Variants in CDC5L observed in about 807,000 individuals in gnomAD.
CDC5L encodes the protein cell division cycle 5 like, also known as cell division cycle 5-like protein.
A neutral mutation model predicts 104.1 loss-of-function variants in CDC5L; 18 were observed. The ratio of observed to expected loss-of-function variants is 0.17; its 90% CI spans 0.12 to 0.26. The LOEUF (loss-of-function observed/expected upper bound fraction) is 0.26, where lower values mean the gene tolerates loss of function less well. CDC5L is among the 10% of genes least tolerant of loss of function. CDC5L has a pLI of 1.00. For missense variants in CDC5L, 673 were observed against 956.9 expected (o/e 0.70, Z 3.91); for synonymous variants, 331 against 322.7 (o/e 1.03, Z -0.28).
chr6:44,387,941 G>GGC (rs1554157180), intron 1 of CDC5L, 73 bp downstream of exon 1: 21 of 1,431,230 alleles, frequency 1.5e-5, no homozygotes, highest in Middle Eastern at 3.6e-4. Flanking sequence ...CGCGGAGGTC[G>GGC]GGGGGGCGAC....
At chr6:44,429,564 T>G (rs913749567) in intron 13 of CDC5L, 149 bp from the exon 14 acceptor site, 1 of 610,884 alleles carries the variant, frequency 1.6e-6, no homozygotes, top group African/African-American at 1.8e-5. Flanking sequence ...CTATTTTTCC[T>G]AGGTATTGTT....
At chr6:44,419,177 A>G (rs959195208) in intron 8 of CDC5L, among the ~76,000 whole-genome samples, 1 of 152,044 alleles carries the variant, frequency 6.6e-6, no homozygotes, top group African/African-American at 2.4e-5. Flanking sequence ...ATTTTTGTAT[A>G]AGGTGTAAGG....
chr6:44,413,100 A>G (rs574053609), intron 8 of CDC5L, among the ~76,000 whole-genome samples: 2 of 152,320 alleles, frequency 1.3e-5, no homozygotes, highest in African/African-American at 2.4e-5. Flanking sequence ...GAATAATTTC[A>G]TCATCCAGAA....
intron 14 of CDC5L, among the ~76,000 whole-genome samples, chr6:44,440,558 C>A (rs1002899076): frequency 6.6e-6 from 1 of 151,858 alleles, no homozygotes; most frequent in African/African-American, 2.4e-5. Context: ...TTTAAAAGTT[C>A]TATTTTAATT....
At chr6:44,419,973 T>G (rs529322611) in intron 9 of CDC5L, among the ~76,000 whole-genome samples, 5 of 152,324 alleles carry the variant, frequency 3.3e-5, no homozygotes, top group African/African-American at 1.2e-4. Context: ...TCGGATCCTA[T>G]CACGTTATTT....
At chr6:44,393,656 C>T in intron 4 of CDC5L, 83 bp downstream of exon 4, 1 of 1,370,628 alleles carries the variant, frequency 7.3e-7, no homozygotes, top group East Asian at 2.4e-5. Flanking sequence ...TTCTGAACTC[C>T]TCTACTTTAG....
chr6:44,424,689 T>G (rs1346999107), intron 11 of CDC5L, 106 bp downstream of exon 11: 69 of 1,022,316 alleles, frequency 6.7e-5, no homozygotes, highest in Non-Finnish European at 9.1e-5. Flanking sequence ...CTAGTCCTTT[T>G]TAATATTGAA....
intron 5 of CDC5L, among the ~76,000 whole-genome samples, chr6:44,403,460 ATC>A (rs1581646120): frequency 1.3e-5 from 2 of 152,258 alleles, no homozygotes; most frequent in East Asian, 3.9e-4. Context: ...GAAGTTTTAT[ATC>A]TCAAAGCTAT....
chr6:44,393,607 G>T, intron 4 of CDC5L, 34 bp downstream of exon 4: 1 of 1,595,518 alleles, frequency 6.3e-7, no homozygotes, highest in Non-Finnish European at 8.5e-7. Flanking sequence ...TATTTCTTTG[G>T]TAACTGTAAA....
At chr6:44,444,585 G>A (rs1490503943) in intron 14 of CDC5L, among the ~76,000 whole-genome samples, 1 of 152,148 alleles carries the variant, frequency 6.6e-6, no homozygotes, top group Non-Finnish European at 1.5e-5. Flanking sequence ...AGGCTGTCAA[G>A]TAGCGACTGG....
At chr6:44,400,225 CT>C (rs1483674227) in intron 5 of CDC5L, among the ~76,000 whole-genome samples, 1 of 152,120 alleles carries the variant, frequency 6.6e-6, no homozygotes, top group African/African-American at 2.4e-5. Context: ...GTTTCCGTTG[CT>C]TGCATTTTTT....
chr6:44,444,269 T>G (rs1216554864), intron 14 of CDC5L, among the ~76,000 whole-genome samples: 1 of 152,200 alleles, frequency 6.6e-6, no homozygotes, highest in Non-Finnish European at 1.5e-5. Context: ...CCTGGGGAGA[T>G]ATCTGCTGGA....
In CDC5L at chr6:44,426,429, A is replaced by G. The variant is rs555999454; in HGVS notation, c.1651-53A>G. The G allele has an allele frequency of 4.2e-5, 44 of 1,054,856 alleles. No homozygotes were observed. In the South Asian group the frequency reaches 5.8e-4, roughly 14 times the overall value. 65.3% of individuals were successfully genotyped at this position (1,054,856 alleles called of 1,614,324 possible). A position where few individuals can be genotyped will look rare whatever the true frequency, so the allele number is the denominator to read the frequency against. ...AATTCATGCTGTAACAGGTAATAAC[A>G]TTAATATATTATAGTGATATGTTTG... On this transcript the variant is annotated intron_variant, in intron 12 of 15. Coordinates refer to ENST00000371477, the MANE Select transcript of CDC5L (RefSeq NM_001253.4).
chr6:44,411,138 T>C (rs913056005), intron 8 of CDC5L, among the ~76,000 whole-genome samples: 4 of 152,142 alleles, frequency 2.6e-5, no homozygotes, highest in Admixed American at 6.5e-5. Flanking sequence ...TTTCTGTCTT[T>C]CCTTATGGGT....
At chr6:44,390,454 A>G (rs906969306) in intron 2 of CDC5L, 83 bp downstream of exon 2, 2 of 861,756 alleles carry the variant, frequency 2.3e-6, no homozygotes, top group Admixed American at 2.4e-5. Flanking sequence ...AACCTTATCA[A>G]AGAAAGCAGA....
chr6:44,445,969 A>G, intron 15 of CDC5L, 102 bp downstream of exon 15: 1 of 893,160 alleles, frequency 1.1e-6, no homozygotes, highest in Non-Finnish European at 1.7e-6. Flanking sequence ...TGAAGTTGGT[A>G]CTGTCAGGCT....
chr6:44,406,063 G>C (rs1791350676), intron 6 of CDC5L, among the ~76,000 whole-genome samples: 1 of 151,938 alleles, frequency 6.6e-6, no homozygotes, highest in Non-Finnish European at 1.5e-5. Context: ...CACTATGCCT[G>C]GCTAATTTTT....
chr6:44,424,508 C>A lies in CDC5L; in HGVS notation c.1494C>A (p.Ala498=), dbSNP rs371297756. Residue 498 remains alanine, a synonymous_variant, in exon 11 of 16, where the codon GCC becomes GCA. Transcript: ENST00000371477. ...NDFEIVLPEN[A]EKELEEREID... ...TTGAAATTGTTCTACCAGAAAATGCCGAGAAGGAGCTGGAAGAACGTGAAA... is the reference window on the plus strand; with the variant it reads ...TTGAAATTGTTCTACCAGAAAATGCAGAGAAGGAGCTGGAAGAACGTGAAA... 20 of 1,613,734 alleles carry A rather than the reference C, an allele frequency of 1.2e-5. No homozygotes were observed. In the South Asian group the frequency reaches 1.3e-4, roughly 11 times the overall value.
chr6:44,395,392 A>C (rs1188558346), intron 4 of CDC5L, among the ~76,000 whole-genome samples: 2 of 152,196 alleles, frequency 1.3e-5, no homozygotes, highest in Admixed American at 1.3e-4. Context: ...CAGTTAACAG[A>C]ATCAGGAATT....
Sources: allele counts gnomAD v4.1 joint callset (sites outside exome capture counted in the v4.1 genomes callset), GRCh38; gene constraint gnomAD v4.1.1; transcripts MANE v1.5; gene names NCBI Gene and HGNC (gene_info 2026-07-23, HGNC 2026-07-21).